Variants in ALDH18A1 observed in about 807,000 individuals in gnomAD.
ALDH18A1 encodes aldehyde dehydrogenase 18 family member A1, also known as delta-1-pyrroline-5-carboxylate synthase.
A neutral mutation model predicts 88.8 loss-of-function variants in ALDH18A1; 44 were observed. That is an observed-to-expected ratio of 0.50 (90% confidence interval 0.39 to 0.64). The LOEUF is 0.64. Ranked by LOEUF, ALDH18A1 falls within the 30% of genes least tolerant of loss-of-function variation. The pLI is 0.00. For synonymous variants in ALDH18A1, 331 were observed against 372.1 expected, an observed-to-expected ratio of 0.89 and a Z score of 1.27; for missense variants, 782 against 1,009.5, an observed-to-expected ratio of 0.77 and a Z score of 3.05.
chr10:95,616,801 G>A, intron 12 of ALDH18A1, 187 bp from the exon 13 acceptor site: 2 of 781,970 alleles, frequency 2.6e-6, no homozygotes, highest in Non-Finnish European at 4.2e-6. Context: ...TTACAGATAA[G>A]GGCACTGAAG....
chr10:95,628,223 A>T (rs368707844), intron 8 of ALDH18A1, 145 bp downstream of exon 8: 2 of 1,186,830 alleles, frequency 1.7e-6, no homozygotes, highest in Non-Finnish European at 2.5e-6. Context: ...CACTCATTAA[A>T]TCTGTATTTA....
intron 7 of ALDH18A1, among the ~76,000 whole-genome samples, chr10:95,630,710 C>CGG (rs201994172): frequency 6.6e-6 from 1 of 151,926 alleles, no homozygotes; most frequent in Middle Eastern, 3.4e-3. Context: ...GACTCCATCT[C>CGG]AGGGGGGTGG....
In ALDH18A1 at chr10:95,611,369, GTTCGGAGTGACTTCAC is replaced by G; in HGVS notation, c.1981_1996del (p.Val661LeufsTer12). 6.2e-7 allele frequency: 1 copy of G among 1,614,242 alleles called. No individual in the cohort carries two copies. The highest frequency in any genetic ancestry group is 8.5e-7 in the Non-Finnish European group (1 of 1,180,040). ...GCATAATTCCAGGTCCCCATACTCA[GTTCGGAGTGACTTCAC>G]TTCGGAGGGGCTGAAGGTCAGATAG... is the stretch of plus-strand genomic sequence containing the variant. On this transcript the variant is annotated frameshift_variant, in exon 16 of 18. Transcript: ENST00000371224. LOFTEE classifies it high-confidence loss of function.
chr10:95,614,307 G>A, intron 13 of ALDH18A1, 146 bp from the exon 14 acceptor site: 2 of 895,380 alleles, frequency 2.2e-6, no homozygotes, highest in Non-Finnish European at 3.4e-6. Flanking sequence ...ACAAAATTAA[G>A]TTCCCGATCA....
chr10:95,627,488 C>T lies in ALDH18A1; in HGVS notation c.1032G>A (p.Val344=). ...KVSGHVITDI[V]EGKKVGTFFS... Reference sequence around the variant, plus strand: ...AGAAGGTACCAACTTTCTTCCCCTCCACAATGTCTGTGATGACGTGCCCAG... The same window carrying T: ...AGAAGGTACCAACTTTCTTCCCCTCTACAATGTCTGTGATGACGTGCCCAG... The change falls in exon 9 of 18, where the codon GTG becomes GTA. Residue 344 remains valine, a synonymous_variant. Transcript: ENST00000371224. 1 of 1,614,162 alleles carries T rather than the reference C, an allele frequency of 6.2e-7. No individual in the cohort carries two copies. The highest frequency in any genetic ancestry group is 8.5e-7 in the Non-Finnish European group (1 of 1,180,000).
rs1026246503 is a variant in ALDH18A1, at chr10:95,616,782, T to C, written c.1468-168A>G. The C allele has an allele frequency of 8.7e-6, 8 of 918,912 alleles. No individual in the cohort carries two copies. The African/African-American group carries it at 1.3e-4, about 15-fold the overall frequency. 56.9% of individuals were successfully genotyped at this position (918,912 alleles called of 1,614,324 possible). On this transcript the variant is annotated intron_variant, in intron 12 of 17. Coordinates refer to ENST00000371224, the MANE Select transcript of ALDH18A1 (RefSeq NM_002860.4). ...TGCAGTGAATTAAGTGCCTGTTTTA[T>C]CCCCTACTTTACAGATAAGGGCACT...
chr10:95,624,363 A>T (rs927199861), intron 11 of ALDH18A1, among the ~76,000 whole-genome samples: 4 of 152,196 alleles, frequency 2.6e-5, no homozygotes, highest in African/African-American at 9.7e-5. Flanking sequence ...TTTACTTTAA[A>T]TTAATGAGTG....
chr10:95,610,171 T>A, intron 17 of ALDH18A1, 26 bp downstream of exon 17: 1 of 1,611,480 alleles, frequency 6.2e-7, no homozygotes. Flanking sequence ...AGGAACTTCT[T>A]TCTTCCCAAC....
chr10:95,620,987 G>T, intron 12 of ALDH18A1, 44 bp downstream of exon 12: 1 of 1,543,102 alleles, frequency 6.5e-7, no homozygotes, highest in Middle Eastern at 1.7e-4. Flanking sequence ...ATCCACACCA[G>T]CCCCCAATGG....
chr10:95,652,420 AAAAAAGAGTAATGAAC>A (rs1338680769), intron 2 of ALDH18A1, among the ~76,000 whole-genome samples: 1 of 152,224 alleles, frequency 6.6e-6, no homozygotes, highest in African/African-American at 2.4e-5. Flanking sequence ...CTTAATTACA[AAAAAAGAGTAATGAAC>A]AAAAATAGCA....
chr10:95,651,816 C>A (rs2097910888), intron 2 of ALDH18A1, among the ~76,000 whole-genome samples: 1 of 152,198 alleles, frequency 6.6e-6, no homozygotes, highest in African/African-American at 2.4e-5. Context: ...GACATACATT[C>A]AAACTATGTA....
chr10:95,656,079 C>A (rs1161801087), intron 1 of ALDH18A1, among the ~76,000 whole-genome samples: 1 of 152,144 alleles, frequency 6.6e-6, no homozygotes, highest in Non-Finnish European at 1.5e-5. Flanking sequence ...CAAAGGGAGT[C>A]TGGCTTTGAG....
chr10:95,648,618 A>G (rs2097904974), intron 2 of ALDH18A1, among the ~76,000 whole-genome samples: 2 of 152,220 alleles, frequency 1.3e-5, no homozygotes, highest in African/African-American at 4.8e-5. Context: ...GGAACAGTGC[A>G]TAAATTCTGA....
At chr10:95,621,314 A>ATT in intron 11 of ALDH18A1, 63 bp from the exon 12 acceptor site, 1 of 1,007,764 alleles carries the variant, frequency 9.9e-7, no homozygotes, top group Non-Finnish European at 1.5e-6. Context: ...CTACCAACCG[A>ATT]TGTGTCTTTT....
At chr10:95,620,192 G>A (rs1394284173) in intron 12 of ALDH18A1, among the ~76,000 whole-genome samples, 7 of 152,174 alleles carry the variant, frequency 4.6e-5, no homozygotes, top group African/African-American at 1.2e-4. Flanking sequence ...AATGTTCATC[G>A]TCACTGGTCA....
chr10:95,611,025 G>T (rs1421795472), intron 16 of ALDH18A1, among the ~76,000 whole-genome samples: 2 of 152,196 alleles, frequency 1.3e-5, no homozygotes, highest in Non-Finnish European at 2.9e-5. Context: ...CTCTGACAGG[G>T]TTAGTCATCT....
At chr10:95,623,381 TTAGA>T (rs1450907330) in intron 11 of ALDH18A1, among the ~76,000 whole-genome samples, 1 of 150,836 alleles carries the variant, frequency 6.6e-6, no homozygotes, top group Non-Finnish European at 1.5e-5. Context: ...CTAAGAATCC[TTAGA>T]TAAAGAGCTA....
At chr10:95,637,967 AAACAACAACAACAAC>A (rs140422812) in intron 3 of ALDH18A1, among the ~76,000 whole-genome samples, 220 of 150,300 alleles carry the variant, frequency 1.5e-3, no homozygotes, top group Middle Eastern at 3.4e-3. Flanking sequence ...GCTGTCTCAA[AAACAACAACAACAAC>A]AACAACAACA....
chr10:95,638,912 A>G (rs1267276506), intron 3 of ALDH18A1, among the ~76,000 whole-genome samples: 1 of 151,568 alleles, frequency 6.6e-6, no homozygotes, highest in African/African-American at 2.4e-5. Flanking sequence ...TTGCTTTGTC[A>G]CCCATGCTGG....
Sources: allele counts gnomAD v4.1 joint callset (sites outside exome capture counted in the v4.1 genomes callset), GRCh38; gene constraint gnomAD v4.1.1; transcripts MANE v1.5; gene names NCBI Gene and HGNC (gene_info 2026-07-23, HGNC 2026-07-21).